The following PCDHGC3 variants were observed in gnomAD, a reference collection of about 807,000 sequenced individuals.
PCDHGC3 encodes protocadherin gamma-C3.
A neutral mutation model predicts 59.2 loss-of-function variants in PCDHGC3; 26 were observed. The observed-to-expected ratio is 0.44, with a 90% confidence interval of 0.32 to 0.61. The LOEUF (loss-of-function observed/expected upper bound fraction) is 0.61, where lower values mean the gene tolerates loss of function less well. Ranked by LOEUF, PCDHGC3 falls within the 20% of genes least tolerant of loss-of-function variation. The probability of loss-of-function intolerance (pLI) is 0.05; values close to 1 mark genes in which losing one functional copy is unlikely to be tolerated. For synonymous variants in PCDHGC3, 487 were observed against 519.7 expected (o/e 0.94, Z 0.86); for missense variants, 1,080 against 1,221.8 (o/e 0.88, Z 1.73).
At position 141,487,578 on chromosome 5, in the gene PCDHGC3, C is replaced by T. The variant is rs1293087014; in HGVS notation, c.2431-7229C>T. The T allele has an allele frequency of 1.2e-6, 2 of 1,614,052 alleles. No individual in the cohort carries two copies. Among genetic ancestry groups the T allele is most frequent in the Non-Finnish European group, 1.7e-6 (2 of 1,180,044 alleles). ...CCTATGGCAGGGGAGCCTGTTCGCC[C>T]AAGCTGCCCACCCTCTGATCTTCTC... On this transcript the variant is annotated intron_variant, in intron 1 of 3. Coordinates refer to ENST00000308177, the MANE Select transcript of PCDHGC3 (RefSeq NM_002588.4). The surrounding 1 kb of genome is among the most constrained non-coding windows in gnomAD (Gnocchi z 5.0).
intron 1 of PCDHGC3, among the ~76,000 whole-genome samples, chr5:141,482,914 A>G (rs1023561837): frequency 6.6e-6 from 1 of 152,162 alleles, no homozygotes; most frequent in Non-Finnish European, 1.5e-5. Context: ...TCTATTAAAA[A>G]TACAAAAAAT....
In PCDHGC3 at chr5:141,490,540, C is replaced by T; in HGVS notation, c.2431-4267C>T. The T allele has an allele frequency of 6.2e-7, 1 of 1,614,148 alleles. No homozygotes were observed. Among genetic ancestry groups the T allele is most frequent in the Non-Finnish European group, 8.5e-7 (1 of 1,180,024 alleles). ...GGCCAGCGATGCTGGTTCACCTTCC[C>T]TACACAAACATCTCACCATCAGGCT... On this transcript the variant is annotated intron_variant, in intron 1 of 3. Coordinates refer to ENST00000308177, the MANE Select transcript of PCDHGC3 (RefSeq NM_002588.4). This position sits in a 1 kb window ranked among gnomAD's most constrained non-coding sequence, Gnocchi z 5.4.
chr5:141,507,368 T>C (rs1446319165), intron 3 of PCDHGC3: 2 of 152,094 alleles, frequency 1.3e-5, no homozygotes, highest in Non-Finnish European at 2.9e-5. Context: ...GGGAGCCCTG[T>C]ACTTTTATTT....
In PCDHGC3 at chr5:141,485,062, C is replaced by T. The variant is rs2099606141; in HGVS notation, c.2430+6516C>T. 2.3e-6 allele frequency: 2 copies of T among 876,222 alleles called. No individual in the cohort carries two copies. Among genetic ancestry groups the T allele is most frequent in the Non-Finnish European group, 3.6e-6 (2 of 552,684 alleles). 54.3% of individuals were successfully genotyped at this position (876,222 alleles called of 1,614,324 possible). ...CCTTGCGGCGCCGGCCGAACCGCGCCAGAGCTGGCGCGGGGAAAGGGAGAT... is the reference window on the plus strand; with the variant it reads ...CCTTGCGGCGCCGGCCGAACCGCGCTAGAGCTGGCGCGGGGAAAGGGAGAT... On this transcript the variant is annotated intron_variant, in intron 1 of 3. Coordinates refer to ENST00000308177, the MANE Select transcript of PCDHGC3 (RefSeq NM_002588.4). The surrounding 1 kb of genome is among the most constrained non-coding windows in gnomAD (Gnocchi z 5.7).
In PCDHGC3 at chr5:141,493,164, T is replaced by C. The variant is rs558860783; in HGVS notation, c.2431-1643T>C. Among the ~76,000 whole-genome samples the C allele has an allele frequency of 4.6e-5, 7 of 152,340 alleles. 1 individual carries two copies. The South Asian group carries it at 1.2e-3, about 27-fold the overall frequency. On this transcript the variant is annotated intron_variant, in intron 1 of 3. Coordinates refer to ENST00000308177, the MANE Select transcript of PCDHGC3 (RefSeq NM_002588.4). The surrounding 1 kb of genome is among the most constrained non-coding windows in gnomAD (Gnocchi z 4.3). Reference sequence around the variant, plus strand: ...ACCCCCAGGTGATTTTGATAGCTGATTGAGAGAAACTTACTATATAACTCC... The same window carrying C: ...ACCCCCAGGTGATTTTGATAGCTGACTGAGAGAAACTTACTATATAACTCC...
At position 141,489,646 on chromosome 5, in the gene PCDHGC3, C is replaced by A. The variant is rs1274955075; in HGVS notation, c.2431-5161C>A. 1.2e-6 allele frequency: 2 copies of A among 1,614,186 alleles called. No homozygotes were observed. The highest frequency in any genetic ancestry group is 2.7e-5 in the African/African-American group (2 of 75,048). On this transcript the variant is annotated intron_variant, in intron 1 of 3. Coordinates refer to ENST00000308177, the MANE Select transcript of PCDHGC3 (RefSeq NM_002588.4). This position sits in a 1 kb window ranked among gnomAD's most constrained non-coding sequence, Gnocchi z 4.5. Reference sequence around the variant, plus strand: ...TGACAACTCTCCTAGCTTTGCCACCCCTGAGCGAGAGATGCGCATCTCAGA... The same window carrying A: ...TGACAACTCTCCTAGCTTTGCCACCACTGAGCGAGAGATGCGCATCTCAGA...
chr5:141,502,862 C>T (rs2099816351), intron 2 of PCDHGC3, among the ~76,000 whole-genome samples: 1 of 68,558 alleles, frequency 1.5e-5, no homozygotes, highest in African/African-American at 1.0e-4. Context: ...CCCTGACTCT[C>T]TGTCTTTTTT....
At chr5:141,500,672 C>A (rs2099801937) in intron 2 of PCDHGC3, among the ~76,000 whole-genome samples, 1 of 152,156 alleles carries the variant, frequency 6.6e-6, no homozygotes, top group South Asian at 2.1e-4. Context: ...TACTGTCCAA[C>A]AGAATTATAG....
intron 1 of PCDHGC3, among the ~76,000 whole-genome samples, chr5:141,484,023 G>A (rs67828357): frequency 0.059 from 8,857 of 150,044 alleles, 313 homozygotes; most frequent in South Asian, 0.11. Context: ...GGTGGGGTGA[G>A]ATCAAGTCTC....
chr5:141,478,758 T>C (rs1333135263), intron 1 of PCDHGC3: 2 of 1,515,540 alleles, frequency 1.3e-6, no homozygotes, highest in South Asian at 1.3e-5. Flanking sequence ...AGGGGGAAGA[T>C]ACTTGACTCA....
chr5:141,489,804 G>A lies in PCDHGC3; in HGVS notation c.2431-5003G>A, dbSNP rs2099692572. 1 of 1,614,056 alleles carries A rather than the reference G, an allele frequency of 6.2e-7. No homozygotes were observed. The highest frequency in any genetic ancestry group is 1.3e-5 in the African/African-American group (1 of 74,932). ...TGAATGTGAAGACCCTAAAAGATGG[G>A]AAGCCATTCCCAGAGCTGGTGCTAG... On this transcript the variant is annotated intron_variant, in intron 1 of 3. Transcript: ENST00000308177. The surrounding 1 kb of genome is among the most constrained non-coding windows in gnomAD (Gnocchi z 4.5).
rs751874380 is a variant in PCDHGC3 at position 141,486,055 on chromosome 5, C to A, written c.2430+7509C>A. ...CTGATCGTGTAAGAAACCTCTTTAG[C>A]CTGCACCCCACTACTGGAAAGCTTA... On this transcript the variant is annotated intron_variant, in intron 1 of 3. Transcript: ENST00000308177. The surrounding 1 kb of genome is among the most constrained non-coding windows in gnomAD (Gnocchi z 5.0). The A allele has an allele frequency of 6.2e-7, 1 of 1,614,170 alleles. No individual in the cohort carries two copies. Among genetic ancestry groups the A allele is most frequent in the South Asian group, 1.1e-5 (1 of 91,072 alleles).
intron 1 of PCDHGC3, among the ~76,000 whole-genome samples, chr5:141,484,030 T>G (rs1290301073): frequency 6.6e-6 from 1 of 151,022 alleles, no homozygotes; most frequent in African/African-American, 2.4e-5. Flanking sequence ...TGAGATCAAG[T>G]CTCCAGCTCC....
At chr5:141,483,797 G>GCTGCTTTT (rs1255394691) in intron 1 of PCDHGC3, among the ~76,000 whole-genome samples, 3 of 152,174 alleles carry the variant, frequency 2.0e-5, no homozygotes, top group Non-Finnish European at 4.4e-5. Context: ...TCCAGTTGTT[G>GCTGCTTTT]CTGCTTTTTT....
chr5:141,503,024 A>G (rs574653661), intron 2 of PCDHGC3, among the ~76,000 whole-genome samples: 2 of 150,210 alleles, frequency 1.3e-5, no homozygotes, highest in South Asian at 2.1e-4. Context: ...TTTTTTTTTA[A>G]TATCTATTTT....
Position 141,485,713 on chromosome 5 carries a change from G to T in PCDHGC3, c.2430+7167G>T. On this transcript the variant is annotated intron_variant, in intron 1 of 3. Transcript: ENST00000308177. The surrounding 1 kb of genome is among the most constrained non-coding windows in gnomAD (Gnocchi z 5.7). ...TGAGCTCCAATGAACACTTTGCACT[G>T]GATGTGAAGAAGCGCAGCGACGGCA... 1 of 1,614,202 alleles carries T rather than the reference G, an allele frequency of 6.2e-7. No individual in the cohort carries two copies. The highest frequency in any genetic ancestry group is 8.5e-7 in the Non-Finnish European group (1 of 1,180,038).
intron 3 of PCDHGC3, among the ~76,000 whole-genome samples, chr5:141,507,809 C>T (rs866898784): frequency 2.0e-5 from 3 of 152,206 alleles, no homozygotes; most frequent in Non-Finnish European, 2.9e-5. Flanking sequence ...CCCTGGGGAA[C>T]GGACCCTGGG....
chr5:141,507,937 A>T (rs2154594220), intron 3 of PCDHGC3: 1 of 152,420 alleles, frequency 6.6e-6, no homozygotes, highest in Admixed American at 6.5e-5. Context: ...AGAGGGGTTA[A>T]GTAAGAGGGA....
In PCDHGC3 at chr5:141,485,216, G is replaced by C. The variant is rs757059807; in HGVS notation, c.2430+6670G>C. On this transcript the variant is annotated intron_variant, in intron 1 of 3. Transcript: ENST00000308177. The surrounding 1 kb of genome is among the most constrained non-coding windows in gnomAD (Gnocchi z 5.7). ...AAGCTGGACAGAAATCTGGCGGTGG[G>C]CTACCCTTTTGTTCCTCTTTTACCA... 2.5e-6 allele frequency: 4 copies of C among 1,614,144 alleles called. No homozygotes were observed. In the South Asian group the frequency reaches 4.4e-5, roughly 18 times the overall value.
Sources: gnomAD v4.1 joint callset for allele counts (sites outside exome capture counted in the v4.1 genomes callset) on GRCh38, gnomAD v4.1.1 for gene constraint, Gnocchi (gnomAD v3.1) non-coding constraint, MANE v1.5 for transcripts, NCBI Gene and HGNC (gene_info 2026-07-23, HGNC 2026-07-21) for gene names.